ADAMTS6: variants seen among roughly 807,000 people sequenced by gnomAD.
The protein encoded by ADAMTS6 is A disintegrin and metalloproteinase with thrombospondin motifs 6.
ADAMTS6 carries 23 observed loss-of-function variants against 144.3 expected under a neutral mutation model. The observed-to-expected ratio is 0.16, with a 90% CI of 0.11 to 0.23. ADAMTS6 has a LOEUF of 0.23. Among genes scored for constraint, ADAMTS6 ranks in the 10% least tolerant of loss-of-function variants. The pLI, the probability that ADAMTS6 is intolerant of heterozygous loss-of-function variation, is 1.00. For synonymous variants in ADAMTS6, 444 were observed against 457.5 expected (o/e 0.97, Z 0.38); for missense variants, 999 against 1,379.6 (o/e 0.72, Z 4.37).
intron 14 of ADAMTS6, among the ~76,000 whole-genome samples, chr5:65,259,676 T>G (rs950306630): frequency 3.3e-5 from 5 of 152,148 alleles, no homozygotes; most frequent in African/African-American, 1.2e-4. Flanking sequence ...CAGACAAGTC[T>G]TTTGAGAAAT....
At position 65,368,721 on chromosome 5, in the gene ADAMTS6, C is replaced by T. The variant is rs529027290; in HGVS notation, c.1074-34636G>A. ...GTTATTGTGAAGCCACTACACCTGC[C>T]CTTGGACTGGCTACCTCCAAACTTC... On this transcript the variant is annotated intron_variant, in intron 7 of 24. Transcript: ENST00000381055. Among the ~76,000 whole-genome samples, 20 of 152,030 alleles carry T rather than the reference C, an allele frequency of 1.3e-4. 1 individual carries two copies. In the South Asian group the frequency reaches 3.3e-3, roughly 25 times the overall value.
chr5:65,287,648 A>T (rs1236010044), intron 11 of ADAMTS6, among the ~76,000 whole-genome samples: 3 of 152,140 alleles, frequency 2.0e-5, no homozygotes, highest in African/African-American at 4.8e-5. Flanking sequence ...TTCCAGCCTC[A>T]GCCTCCCGAG....
intron 7 of ADAMTS6, among the ~76,000 whole-genome samples, chr5:65,372,618 T>A (rs1377017520): frequency 6.6e-6 from 1 of 151,356 alleles, no homozygotes; most frequent in East Asian, 1.9e-4. Flanking sequence ...AAGTCCTGAG[T>A]GACCTACAAA....
At chr5:65,357,911 G>A (rs182274348) in intron 7 of ADAMTS6, among the ~76,000 whole-genome samples, 46 of 151,814 alleles carry the variant, frequency 3.0e-4, no homozygotes, top group African/African-American at 1.1e-3. Flanking sequence ...AATATCTAAA[G>A]GCTTTACATC....
At chr5:65,186,898 A>T (rs1271445045) in intron 22 of ADAMTS6, among the ~76,000 whole-genome samples, 1 of 152,192 alleles carries the variant, frequency 6.6e-6, no homozygotes, top group Non-Finnish European at 1.5e-5. Flanking sequence ...ACCATCTTAA[A>T]CACAGTGCTT....
intron 7 of ADAMTS6, among the ~76,000 whole-genome samples, chr5:65,381,557 T>TTTTC (rs1233628363): frequency 8.0e-6 from 1 of 124,834 alleles, no homozygotes; most frequent in Non-Finnish European, 1.7e-5. Context: ...TTTTTTTTTT[T>TTTTC]GTAATTTTAG....
In ADAMTS6 at chr5:65,398,743, GATAA is replaced by G. The variant is rs1304241148; in HGVS notation, c.1073+52728_1073+52731del. Reference sequence around the variant, plus strand: ...AGAAAGAGAGAGAGAGAGAAAGAGAGATAAAGAGAGAAAGAGAGAGAGAGAAAGA... The same window carrying G: ...AGAAAGAGAGAGAGAGAGAAAGAGAGAGAGAGAAAGAGAGAGAGAGAAAGA... On this transcript the variant is annotated intron_variant, in intron 7 of 24. Coordinates refer to ENST00000381055, the MANE Select transcript of ADAMTS6 (RefSeq NM_197941.4). 1.7e-3 allele frequency among the ~76,000 whole-genome samples: 246 copies of G among 147,774 alleles called. 2 individuals are homozygous for G. Among genetic ancestry groups the G allele is most frequent in the African/African-American group, 6.0e-3 (240 of 40,094 alleles).
chr5:65,377,641 T>C (rs998783951), intron 7 of ADAMTS6, among the ~76,000 whole-genome samples: 2 of 152,310 alleles, frequency 1.3e-5, no homozygotes, highest in African/African-American at 2.4e-5. Flanking sequence ...TTTGTATAGT[T>C]TTTTGCTTTA....
chr5:65,460,472 G>A (rs190833941), intron 3 of ADAMTS6, 134 bp from the exon 4 acceptor site: 45 of 776,702 alleles, frequency 5.8e-5, no homozygotes, highest in South Asian at 2.4e-4. Context: ...AAAAATTAGC[G>A]AATTATCTGT....
chr5:65,449,753 C>T (rs889060859), intron 7 of ADAMTS6, among the ~76,000 whole-genome samples: 2 of 152,054 alleles, frequency 1.3e-5, no homozygotes, highest in Admixed American at 6.5e-5. Context: ...AATATCAAGG[C>T]GAATTCAGAA....
At chr5:65,321,905 G>A (rs1489306990) in intron 9 of ADAMTS6, among the ~76,000 whole-genome samples, 1 of 151,424 alleles carries the variant, frequency 6.6e-6, no homozygotes, top group East Asian at 1.9e-4. Flanking sequence ...TAGAAGAGAC[G>A]GGGTTTTGCC....
intron 14 of ADAMTS6, among the ~76,000 whole-genome samples, chr5:65,249,190 A>G (rs1759926003): frequency 6.6e-6 from 1 of 152,150 alleles, no homozygotes; most frequent in Non-Finnish European, 1.5e-5. Context: ...GGGAGAGGCC[A>G]TTTCCTGATG....
chr5:65,179,809 A>G (rs930469337), intron 22 of ADAMTS6, among the ~76,000 whole-genome samples: 2 of 152,228 alleles, frequency 1.3e-5, no homozygotes, highest in Non-Finnish European at 2.9e-5. Context: ...CACATAAATT[A>G]TCGTGTCCCT....
chr5:65,217,443 A>T (rs1757012788), intron 18 of ADAMTS6, among the ~76,000 whole-genome samples: 1 of 151,990 alleles, frequency 6.6e-6, no homozygotes, highest in South Asian at 2.1e-4. Flanking sequence ...TATATAACTA[A>T]TGGTGCCATA....
At chr5:65,274,788 G>A (rs1762327343) in intron 11 of ADAMTS6, among the ~76,000 whole-genome samples, 1 of 152,070 alleles carries the variant, frequency 6.6e-6, no homozygotes, top group Non-Finnish European at 1.5e-5. Flanking sequence ...GGGTTCAAGC[G>A]ACTCTCTTGC....
At chr5:65,397,876 TAA>T (rs34170790) in intron 7 of ADAMTS6, among the ~76,000 whole-genome samples, 52 of 121,658 alleles carry the variant, frequency 4.3e-4, no homozygotes, top group African/African-American at 6.2e-4. Flanking sequence ...GACCCTGTCT[TAA>T]AAAAAAAAAA....
intron 18 of ADAMTS6, among the ~76,000 whole-genome samples, chr5:65,219,196 C>T (rs1045917571): frequency 1.1e-4 from 17 of 152,120 alleles, no homozygotes. Context: ...TTATGACCCA[C>T]CTCCTGTGTT....
chr5:65,272,989 CA>C, intron 12 of ADAMTS6, among the ~76,000 whole-genome samples: 1 of 151,086 alleles, frequency 6.6e-6, no homozygotes, highest in East Asian at 1.9e-4. Flanking sequence ...TTCTGGGTTG[CA>C]TAATTTTCCG....
intron 4 of ADAMTS6, among the ~76,000 whole-genome samples, chr5:65,455,302 G>C (rs1273038325): frequency 6.6e-6 from 1 of 152,166 alleles, no homozygotes; most frequent in Admixed American, 6.5e-5. Flanking sequence ...CAACACTTTG[G>C]GAGCCTGAGG....
Sources: gnomAD v4.1 joint callset for allele counts (sites outside exome capture counted in the v4.1 genomes callset) on GRCh38, gnomAD v4.1.1 for gene constraint, MANE v1.5 for transcripts, NCBI Gene and HGNC (gene_info 2026-07-23, HGNC 2026-07-21) for gene names.